Variants in MEI4 observed in about 807,000 individuals in gnomAD.
MEI4 encodes meiotic double-stranded break formation protein 4.
Under a neutral mutation model 31.4 loss-of-function variants are expected in MEI4, and 27 were observed. The observed-to-expected ratio is 0.86, with a 90% CI of 0.63 to 1.19. MEI4 has a LOEUF of 1.19. Among genes scored for constraint, MEI4 ranks in the 50% most tolerant of loss-of-function variants. MEI4 has a pLI of 0.00. For missense variants in MEI4, 329 were observed against 398.9 expected (o/e 0.82, Z 1.49); for synonymous variants, 122 against 145.4 (o/e 0.84, Z 1.16).
chr6:77,802,454 C>G (rs963818239), intron 3 of MEI4, among the ~76,000 whole-genome samples: 1 of 152,260 alleles, frequency 6.6e-6, no homozygotes, highest in Admixed American at 6.5e-5. Context: ...TTAATTGGAG[C>G]ATTTAGCCCA....
intron 4 of MEI4, among the ~76,000 whole-genome samples, chr6:77,890,345 G>A (rs535858706): frequency 7.9e-5 from 12 of 152,346 alleles, no homozygotes; most frequent in Admixed American, 3.9e-4. Flanking sequence ...GGAGGCAAAA[G>A]AGATCATTTT....
chr6:77,737,413 A>G (rs925818768), intron 2 of MEI4, among the ~76,000 whole-genome samples: 8 of 152,218 alleles, frequency 5.3e-5, no homozygotes, highest in Non-Finnish European at 1.2e-4. Flanking sequence ...GTTCTGAAAT[A>G]TTGAGCTCTT....
At chr6:77,735,622 C>T (rs1767171916) in intron 2 of MEI4, among the ~76,000 whole-genome samples, 1 of 152,094 alleles carries the variant, frequency 6.6e-6, no homozygotes, top group African/African-American at 2.4e-5. Context: ...CTGAAGCCTT[C>T]TTCTCTTAGC....
intron 2 of MEI4, among the ~76,000 whole-genome samples, chr6:77,748,028 T>C (rs1319065617): frequency 1.3e-5 from 2 of 152,222 alleles, no homozygotes; most frequent in Non-Finnish European, 2.9e-5. Context: ...TCGCATCTGC[T>C]GATGCAAGGG....
intron 1 of MEI4, among the ~76,000 whole-genome samples, chr6:77,664,494 G>A (rs978970590): frequency 2.0e-4 from 31 of 152,096 alleles, no homozygotes; most frequent in Non-Finnish European, 3.2e-4. Context: ...GGCTAGTCAC[G>A]GAACGAAACT....
In MEI4 at chr6:77,923,490, TAGTC is replaced by T; in HGVS notation, c.*145_*148del. 1.4e-6 allele frequency: 1 copy of T among 718,520 alleles called. No individual in the cohort carries two copies. The highest frequency in any genetic ancestry group is 1.9e-6 in the Non-Finnish European group (1 of 523,458). The allele number at this position is 718,520 out of a possible 1,614,324, so 44.5% of individuals were successfully genotyped here. Reference sequence around the variant, plus strand: ...ATAATTATCAATTCAACTTAATGGTTAGTCTTAAATTGTATGAAATTTTATGAGT... The same window carrying T: ...ATAATTATCAATTCAACTTAATGGTTTTAAATTGTATGAAATTTTATGAGT... On this transcript the variant is annotated 3_prime_UTR_variant, in exon 5 of 5. Transcript: ENST00000684080.
intron 2 of MEI4, among the ~76,000 whole-genome samples, chr6:77,741,750 C>T (rs889907583): frequency 1.4e-5 from 2 of 145,984 alleles, no homozygotes; most frequent in African/African-American, 2.5e-5. Flanking sequence ...GGCATATCTC[C>T]TAATGCTATC....
intron 4 of MEI4, among the ~76,000 whole-genome samples, chr6:77,917,018 G>C (rs1365865399): frequency 6.6e-6 from 1 of 151,094 alleles, no homozygotes; most frequent in Admixed American, 6.6e-5. Context: ...AGAATATGCG[G>C]TGTTTGGTTT....
Position 77,708,061 on chromosome 6 carries a change from C to A in MEI4, c.232+17158C>A, listed in dbSNP as rs376453544. On this transcript the variant is annotated intron_variant, in intron 2 of 4. Transcript: ENST00000684080. Reference sequence around the variant, plus strand: ...TCCCACACAAGAGTTCCCACTGGGGCACTGTCTAGTGGAGCTGTGAGAATG... The same window carrying A: ...TCCCACACAAGAGTTCCCACTGGGGAACTGTCTAGTGGAGCTGTGAGAATG... Among the ~76,000 whole-genome samples, 213 of 152,332 alleles carry A rather than the reference C, an allele frequency of 1.4e-3. 1 individual carries two copies. Among genetic ancestry groups the A allele is most frequent in the African/African-American group, 4.5e-3 (187 of 41,584 alleles).
Position 77,926,621 on chromosome 6 carries a change from T to C in MEI4, c.*3275T>C, listed in dbSNP as rs1766850213. On this transcript the variant is annotated 3_prime_UTR_variant, in exon 5 of 5. Coordinates refer to ENST00000684080, the MANE Select transcript of MEI4 (RefSeq NM_001322247.2). ...CCAAAATTTTATGTACATTTACAGATTTTCTGAACGCCATATTATGGGGAA... is the reference window on the plus strand; with the variant it reads ...CCAAAATTTTATGTACATTTACAGACTTTCTGAACGCCATATTATGGGGAA... 6.6e-6 allele frequency: 1 copy of C among 151,950 alleles called. No homozygotes were observed. 9.4% of individuals were successfully genotyped at this position (151,950 alleles called of 1,614,324 possible).
At chr6:77,802,364 C>G (rs915003584) in intron 3 of MEI4, among the ~76,000 whole-genome samples, 30 of 152,118 alleles carry the variant, frequency 2.0e-4, no homozygotes, top group African/African-American at 7.0e-4. Context: ...CTATGTGTGT[C>G]TCTGCATGTG....
chr6:77,792,953 C>G (rs561091399), intron 3 of MEI4, among the ~76,000 whole-genome samples: 14 of 152,182 alleles, frequency 9.2e-5, no homozygotes, highest in Admixed American at 2.6e-4. Flanking sequence ...ACCTCGTGAT[C>G]CGCCTGCCTC....
chr6:77,766,390 A>G (rs1383497042), intron 3 of MEI4, among the ~76,000 whole-genome samples: 7 of 152,118 alleles, frequency 4.6e-5, no homozygotes, highest in Non-Finnish European at 1.0e-4. Flanking sequence ...AAATCTGAAG[A>G]TGATGGATCA....
At chr6:77,889,874 C>T (rs1771717066) in intron 4 of MEI4, among the ~76,000 whole-genome samples, 2 of 152,210 alleles carry the variant, frequency 1.3e-5, no homozygotes, top group South Asian at 2.1e-4. Flanking sequence ...GCCATTGCTT[C>T]AGAGGGTGTA....
At chr6:77,869,780 A>T (rs1317970436) in intron 4 of MEI4, among the ~76,000 whole-genome samples, 1 of 152,158 alleles carries the variant, frequency 6.6e-6, no homozygotes, top group African/African-American at 2.4e-5. Context: ...TGAATATTTG[A>T]TGAAGAGAAT....
At chr6:77,860,107 A>G (rs914042061) in intron 4 of MEI4, among the ~76,000 whole-genome samples, 3 of 152,212 alleles carry the variant, frequency 2.0e-5, no homozygotes, top group Non-Finnish European at 4.4e-5. Flanking sequence ...CTGCAAAATC[A>G]TGATGGGCAT....
At chr6:77,806,068 T>C (rs564966559) in intron 3 of MEI4, among the ~76,000 whole-genome samples, 2 of 152,098 alleles carry the variant, frequency 1.3e-5, no homozygotes, top group East Asian at 1.9e-4. Flanking sequence ...TTGAGGAAAA[T>C]GTATGTCCAA....
intron 3 of MEI4, among the ~76,000 whole-genome samples, chr6:77,770,652 A>T (rs1768288500): frequency 6.6e-6 from 1 of 152,202 alleles, no homozygotes; most frequent in Admixed American, 6.5e-5. Context: ...ACAAACAGAC[A>T]CATAAACCAA....
At chr6:77,788,407 A>G (rs1768809105) in intron 3 of MEI4, among the ~76,000 whole-genome samples, 1 of 152,160 alleles carries the variant, frequency 6.6e-6, no homozygotes, top group Non-Finnish European at 1.5e-5. Context: ...GGCCAGGACA[A>G]TCAGGCAGGA....
Sources: gnomAD v4.1 joint callset for allele counts (sites outside exome capture counted in the v4.1 genomes callset) on GRCh38, gnomAD v4.1.1 for gene constraint, MANE v1.5 for transcripts, NCBI Gene and HGNC (gene_info 2026-07-23, HGNC 2026-07-21) for gene names.